The following RDX variants were observed in gnomAD, a reference collection of about 807,000 sequenced individuals.
RDX encodes deafness, autosomal recessive 24.
In RDX, 32 loss-of-function variants were observed where a neutral mutation model predicts 83.7. That is an observed-to-expected ratio of 0.38 (90% CI 0.29 to 0.51). RDX has a LOEUF of 0.51. Among genes scored for constraint, RDX ranks in the 20% least tolerant of loss-of-function variants. The pLI, the probability that RDX is intolerant of heterozygous loss-of-function variation, is 0.87. For missense variants in RDX, 600 were observed against 689.9 expected, an observed-to-expected ratio of 0.87 and a Z score of 1.46; for synonymous variants, 229 against 222.7, an observed-to-expected ratio of 1.03 and a Z score of -0.25.
intron 3 of RDX, 120 bp from the exon 4 acceptor site, chr11:110,264,994 T>C (rs1859969065): frequency 2.7e-5 from 16 of 585,938 alleles, no homozygotes; most frequent in East Asian, 9.6e-5. Context: ...TCCTTTGCCA[T>C]AGAAAAGGCT....
chr11:110,296,561 C>G lies in RDX; in HGVS notation c.-159G>C, dbSNP rs1861476860. 2 of 151,344 alleles carry G rather than the reference C, an allele frequency of 1.3e-5. No homozygotes were observed. The highest frequency in any genetic ancestry group is 4.8e-5 in the African/African-American group (2 of 41,350). The allele number at this position is 151,344 out of a possible 1,614,324, so 9.4% of individuals were successfully genotyped here. A position where few individuals can be genotyped will look rare whatever the true frequency, so the allele number is the denominator to read the frequency against. On this transcript the variant is annotated 5_prime_UTR_variant, in exon 1 of 14. Transcript: ENST00000645495. Reference sequence around the variant, plus strand: ...GGAGGGAGAAGCGGTGGTGCGAGCGCTGGCCCGCGGGAGACGAGAGGCGCC... The same window carrying G: ...GGAGGGAGAAGCGGTGGTGCGAGCGGTGGCCCGCGGGAGACGAGAGGCGCC...
At chr11:110,267,565 C>A (rs945519482) in intron 3 of RDX, among the ~76,000 whole-genome samples, 5 of 140,868 alleles carry the variant, frequency 3.5e-5, no homozygotes, top group South Asian at 2.3e-4. Context: ...CACACACACA[C>A]AAATAATCTT....
chr11:110,240,256 A>G (rs1210979982), intron 10 of RDX, among the ~76,000 whole-genome samples: 1 of 152,240 alleles, frequency 6.6e-6, no homozygotes, highest in East Asian at 1.9e-4. Context: ...TGGAACTGGA[A>G]GCCATCACGT....
intron 10 of RDX, among the ~76,000 whole-genome samples, chr11:110,238,616 T>C (rs1007885372): frequency 9.2e-5 from 14 of 152,312 alleles, no homozygotes; most frequent in Middle Eastern, 3.4e-3. Flanking sequence ...AGTTGAGTAA[T>C]TGCAGTTAAG....
chr11:110,284,876 CAG>C (rs879872962), intron 1 of RDX, among the ~76,000 whole-genome samples: 6 of 152,072 alleles, frequency 3.9e-5, no homozygotes, highest in Admixed American at 6.6e-5. Context: ...TAGTACTTAA[CAG>C]AGTTTTGTTA....
intron 15 of RDX, among the ~76,000 whole-genome samples, chr11:110,179,000 G>C (rs1471998036): frequency 6.6e-6 from 1 of 152,158 alleles, no homozygotes; most frequent in Non-Finnish European, 1.5e-5. Flanking sequence ...CCTGCAAACA[G>C]GTAGTACCAG....
chr11:110,221,635 C>A (rs1385882475), intron 14 of RDX, among the ~76,000 whole-genome samples: 5 of 151,382 alleles, frequency 3.3e-5, no homozygotes, highest in African/African-American at 1.2e-4. Context: ...CACACACACA[C>A]ACACACACAC....
intron 5 of RDX, 112 bp from the exon 6 acceptor site, chr11:110,258,301 T>A: frequency 2.9e-6 from 2 of 695,288 alleles, no homozygotes; most frequent in Non-Finnish European, 4.9e-6. Context: ...GTCAGACAAT[T>A]AATACACATG....
At chr11:110,255,527 C>T in intron 7 of RDX, 142 bp from the exon 8 acceptor site, 1 of 625,484 alleles carries the variant, frequency 1.6e-6, no homozygotes, top group Non-Finnish European at 2.9e-6. Flanking sequence ...CTACAGTTGA[C>T]CTTATCTTTT....
chr11:110,276,904 C>T (rs1860539558), intron 2 of RDX, among the ~76,000 whole-genome samples: 3 of 152,186 alleles, frequency 2.0e-5, no homozygotes, highest in Non-Finnish European at 1.5e-5. Flanking sequence ...TTCCACTTCA[C>T]GTGACTATTC....
At chr11:110,227,439 A>G (rs114035796), downstream of RDX, among the ~76,000 whole-genome samples, 1,951 of 152,284 alleles carry the variant, frequency 0.013, 36 homozygotes, top group African/African-American at 0.044. Flanking sequence ...GAATCCAAAT[A>G]TTTAAAATAA....
chr11:110,283,982 T>C (rs1431462260), intron 1 of RDX, among the ~76,000 whole-genome samples: 3 of 152,092 alleles, frequency 2.0e-5, no homozygotes, highest in African/African-American at 7.2e-5. Context: ...AATAAGAAAC[T>C]TCACCAACAA....
chr11:110,268,960 A>G (rs1019844510), intron 3 of RDX, among the ~76,000 whole-genome samples: 10 of 149,682 alleles, frequency 6.7e-5, no homozygotes, highest in African/African-American at 9.8e-5. Flanking sequence ...AAAAATACAT[A>G]TTATATATAC....
intron 15 of RDX, among the ~76,000 whole-genome samples, chr11:110,181,414 G>T (rs535250533): frequency 6.6e-6 from 1 of 152,010 alleles, no homozygotes; most frequent in African/African-American, 2.4e-5. Context: ...TGCCCGCCTC[G>T]GCCTCCCAGA....
intron 10 of RDX, among the ~76,000 whole-genome samples, chr11:110,240,892 T>C (rs1167529828): frequency 6.7e-6 from 1 of 148,218 alleles, no homozygotes; most frequent in African/African-American, 2.5e-5. Flanking sequence ...GCATATCTAC[T>C]AAAAATACAA....
At chr11:110,241,195 G>A (rs958501450) in intron 10 of RDX, among the ~76,000 whole-genome samples, 1 of 152,026 alleles carries the variant, frequency 6.6e-6, no homozygotes, top group Non-Finnish European at 1.5e-5. Context: ...AATGTATACG[G>A]CACTGGATGT....
At chr11:110,273,591 T>C (rs1860389360) in intron 2 of RDX, among the ~76,000 whole-genome samples, 1 of 152,350 alleles carries the variant, frequency 6.6e-6, no homozygotes, top group African/African-American at 2.4e-5. Flanking sequence ...CAAACTCTAT[T>C]TTAAATAATA....
intron 10 of RDX, chr11:110,237,964 G>A: frequency 3.8e-6 from 1 of 260,262 alleles, no homozygotes; most frequent in South Asian, 4.9e-5. Context: ...TTTTTAAAGA[G>A]AAATGAAAAT....
downstream of RDX, among the ~76,000 whole-genome samples, chr11:110,225,499 A>G (rs1291015141): frequency 6.6e-6 from 1 of 152,234 alleles, no homozygotes; most frequent in East Asian, 1.9e-4. Context: ...AAACACATGA[A>G]AAAAGTCTAA....
Sources: gnomAD v4.1 joint callset for allele counts (sites outside exome capture counted in the v4.1 genomes callset) on GRCh38, gnomAD v4.1.1 for gene constraint, MANE v1.5 for transcripts, NCBI Gene and HGNC (gene_info 2026-07-23, HGNC 2026-07-21) for gene names.